Variants in MEIS2 observed in about 807,000 individuals in gnomAD.
The protein encoded by MEIS2 is homeobox protein Meis2.
A neutral mutation model predicts 58.6 loss-of-function variants in MEIS2; 9 were observed. The ratio of observed to expected loss-of-function variants is 0.15; its 90% CI spans 0.09 to 0.27. MEIS2 has a LOEUF of 0.27. MEIS2 is among the 10% of genes least tolerant of loss of function. The probability of loss-of-function intolerance (pLI) is 1.00; values close to 1 mark genes in which losing one functional copy is unlikely to be tolerated. For missense variants in MEIS2, 427 were observed against 635.0 expected (o/e 0.67, Z 3.52); for synonymous variants, 221 against 228.4 (o/e 0.97, Z 0.29).
intron 8 of MEIS2, among the ~76,000 whole-genome samples, chr15:37,013,897 C>T (rs1428500552): frequency 1.3e-5 from 2 of 152,138 alleles, no homozygotes; most frequent in Admixed American, 1.3e-4. Flanking sequence ...TTACAGTATA[C>T]TTGTGACAGT....
At chr15:37,092,061 T>C (rs1379477137) in intron 6 of MEIS2, among the ~76,000 whole-genome samples, 1 of 152,222 alleles carries the variant, frequency 6.6e-6, no homozygotes, top group African/African-American at 2.4e-5. Flanking sequence ...CACTGCTGCA[T>C]CCTTTTGATT....
At chr15:36,939,068 T>C (rs2058281912) in intron 9 of MEIS2, among the ~76,000 whole-genome samples, 1 of 152,188 alleles carries the variant, frequency 6.6e-6, no homozygotes, top group African/African-American at 2.4e-5. Flanking sequence ...ATTTCCCTAC[T>C]TCCATGGTCT....
intron 9 of MEIS2, among the ~76,000 whole-genome samples, chr15:36,916,918 CTG>C (rs1249757162): frequency 6.6e-6 from 1 of 152,170 alleles, no homozygotes; most frequent in Non-Finnish European, 1.5e-5. Context: ...GTTGGGGAAA[CTG>C]AGAGTTAGCA....
intron 8 of MEIS2, among the ~76,000 whole-genome samples, chr15:37,016,885 A>G (rs1045419762): frequency 6.6e-6 from 1 of 152,252 alleles, no homozygotes; most frequent in Non-Finnish European, 1.5e-5. Flanking sequence ...CACACACTCT[A>G]TAAAAAGGTT....
chr15:36,981,664 G>A (rs937385900), intron 8 of MEIS2, among the ~76,000 whole-genome samples: 1 of 152,076 alleles, frequency 6.6e-6, no homozygotes, highest in Non-Finnish European at 1.5e-5. Flanking sequence ...GTGTCAAATT[G>A]ACTGGGTTAA....
At chr15:37,098,499 C>T in intron 1 of MEIS2, 1 of 736,704 alleles carries the variant, frequency 1.4e-6, no homozygotes, top group Non-Finnish European at 1.8e-6. Context: ...ACCAAACCAG[C>T]CAAAACAACG....
intron 9 of MEIS2, chr15:36,900,967 T>C (rs2056441729): frequency 6.6e-6 from 1 of 152,170 alleles, no homozygotes; most frequent in Admixed American, 6.5e-5. Flanking sequence ...AGGCATTCCT[T>C]TTGTTAGAAA....
At chr15:36,928,254 A>C (rs1315312480) in intron 9 of MEIS2, among the ~76,000 whole-genome samples, 2 of 152,248 alleles carry the variant, frequency 1.3e-5, no homozygotes, top group Non-Finnish European at 2.9e-5. Context: ...TACCATATGC[A>C]GAAAAATGTA....
At chr15:36,940,859 A>G (rs887219247) in intron 9 of MEIS2, among the ~76,000 whole-genome samples, 3 of 152,176 alleles carry the variant, frequency 2.0e-5, no homozygotes, top group Non-Finnish European at 4.4e-5. Context: ...GAATCCATCT[A>G]TGGATTTTAA....
chr15:36,952,066 C>G (rs2058769453), intron 8 of MEIS2, among the ~76,000 whole-genome samples: 1 of 152,124 alleles, frequency 6.6e-6, no homozygotes, highest in Non-Finnish European at 1.5e-5. Flanking sequence ...GACAAATACT[C>G]CTCCTAACAC....
At chr15:37,071,155 T>C (rs77599842) in intron 7 of MEIS2, among the ~76,000 whole-genome samples, 3,153 of 152,174 alleles carry the variant, frequency 0.021, 82 homozygotes, top group East Asian at 0.13. Context: ...AAAAAAATAA[T>C]TATTATTGAA....
chr15:37,098,953 A>C, intron 1 of MEIS2: 1 of 985,622 alleles, frequency 1.0e-6, no homozygotes, highest in Non-Finnish European at 1.2e-6. Context: ...TTTCAGAGAC[A>C]AAACAAGCAG....
At chr15:36,935,386 A>T (rs2058129675) in intron 9 of MEIS2, among the ~76,000 whole-genome samples, 1 of 150,568 alleles carries the variant, frequency 6.6e-6, no homozygotes, top group African/African-American at 2.4e-5. Flanking sequence ...TAAATGTTGC[A>T]TTTTTTTTTA....
intron 9 of MEIS2, among the ~76,000 whole-genome samples, chr15:36,922,936 C>T (rs530302295): frequency 2.4e-4 from 36 of 152,174 alleles, no homozygotes; most frequent in Non-Finnish European, 4.0e-4. Flanking sequence ...TAACTTTCTA[C>T]GCAGTGTTTT....
intron 6 of MEIS2, 110 bp downstream of exon 6, chr15:37,093,471 C>T (rs1488382797): frequency 2.5e-5 from 32 of 1,297,746 alleles, no homozygotes; most frequent in South Asian, 4.6e-5. Context: ...CCAAAAGAGA[C>T]GGAGTCATTT....
chr15:37,083,154 C>T (rs1892455030), intron 7 of MEIS2, among the ~76,000 whole-genome samples: 2 of 152,134 alleles, frequency 1.3e-5, no homozygotes, highest in Admixed American at 1.3e-4. Flanking sequence ...CACTAGGCTT[C>T]CTCAACATCT....
chr15:37,012,609 G>A (rs1474816759), intron 8 of MEIS2, among the ~76,000 whole-genome samples: 1 of 152,148 alleles, frequency 6.6e-6, no homozygotes, highest in Non-Finnish European at 1.5e-5. Context: ...ACATGCATGT[G>A]TGTGCATCTA....
At chr15:36,912,753 C>A (rs2057093158) in intron 9 of MEIS2, among the ~76,000 whole-genome samples, 2 of 147,120 alleles carry the variant, frequency 1.4e-5, no homozygotes, top group African/African-American at 2.5e-5. Context: ...TGAAGGAATG[C>A]AAACTTTATT....
intron 2 of MEIS2, 152 bp downstream of exon 2, chr15:37,097,815 C>T (rs1894472879): frequency 5.1e-6 from 6 of 1,180,618 alleles, no homozygotes; most frequent in African/African-American, 1.5e-5. Flanking sequence ...AGAGCAGGCC[C>T]CCTCCACGGT....
Sources: gnomAD v4.1 joint callset for allele counts (sites outside exome capture counted in the v4.1 genomes callset) on GRCh38, gnomAD v4.1.1 for gene constraint, MANE v1.5 for transcripts, NCBI Gene and HGNC (gene_info 2026-07-23, HGNC 2026-07-21) for gene names.